ARB2A: variants seen among roughly 807,000 people sequenced by gnomAD.
ARB2A encodes cotranscriptional regulator ARB2A.
chr5:93,873,368 AGGAAAGGAAAGGAAAGGAAGG>A, the ARB2A span, among the ~76,000 whole-genome samples: 263 of 11,172 alleles, frequency 0.024, 5 homozygotes, highest in African/African-American at 0.06. Context: ...AGGAAAGGAA[AGGAAAGGAAAGGAAAGGAAGG>A]GGAAGGGGAA....
chr5:94,040,537 T>C, the ARB2A span, among the ~76,000 whole-genome samples: 6 of 124,428 alleles, frequency 4.8e-5, no homozygotes, highest in African/African-American at 1.8e-4. Flanking sequence ...CAGTATGTGA[T>C]ATTCCCCTTC....
chr5:93,848,035 T>C, the ARB2A span, among the ~76,000 whole-genome samples: 3 of 152,236 alleles, frequency 2.0e-5, no homozygotes, highest in African/African-American at 7.2e-5. Context: ...ATTTAACTTC[T>C]GTTAATAACA....
chr5:94,050,584 C>T, the ARB2A span: 1 of 596,992 alleles, frequency 1.7e-6, no homozygotes, highest in Non-Finnish European at 2.8e-6. Context: ...CTAACATAAC[C>T]ACTAAAAAGG....
At chr5:93,719,145 A>G in the ARB2A span, among the ~76,000 whole-genome samples, 2 of 152,190 alleles carry the variant, frequency 1.3e-5, no homozygotes, top group Non-Finnish European at 2.9e-5. Context: ...AGATTTCTCC[A>G]TAACTTTTAT....
the ARB2A span, among the ~76,000 whole-genome samples, chr5:93,902,014 T>A: frequency 2.0e-5 from 3 of 152,088 alleles, no homozygotes; most frequent in African/African-American, 7.2e-5. Context: ...GCAGCTTATC[T>A]AGAATTATTT....
chr5:93,699,269 TGTTA>T, the ARB2A span, among the ~76,000 whole-genome samples: 2 of 152,216 alleles, frequency 1.3e-5, no homozygotes, highest in African/African-American at 4.8e-5. Context: ...TGTGATAATT[TGTTA>T]ATGAATAAAG....
chr5:93,680,136 T>C, the ARB2A span, among the ~76,000 whole-genome samples: 1 of 152,096 alleles, frequency 6.6e-6, no homozygotes, highest in African/African-American at 2.4e-5. Flanking sequence ...CTTTCAAAGA[T>C]TCCATCATCT....
At chr5:94,044,868 A>T in the ARB2A span, among the ~76,000 whole-genome samples, 1 of 152,098 alleles carries the variant, frequency 6.6e-6, no homozygotes, top group Non-Finnish European at 1.5e-5. Flanking sequence ...TGGCAACATC[A>T]GGAAGTTACC....
the ARB2A span, chr5:93,738,127 A>G: frequency 4.6e-6 from 1 of 216,168 alleles, no homozygotes; most frequent in East Asian, 1.4e-4. Flanking sequence ...CCCAGTTTTA[A>G]AAATAGGCAA....
At chr5:93,970,421 GAACTAA>G in the ARB2A span, among the ~76,000 whole-genome samples, 14 of 152,010 alleles carry the variant, frequency 9.2e-5, no homozygotes, top group African/African-American at 3.4e-4. Flanking sequence ...AATAAAATAT[GAACTAA>G]AACATTAGAA....
the ARB2A span, among the ~76,000 whole-genome samples, chr5:93,769,630 T>C: frequency 6.6e-6 from 1 of 152,158 alleles, no homozygotes; most frequent in Non-Finnish European, 1.5e-5. Context: ...TGCAACCTAA[T>C]GTTGATGCCA....
the ARB2A span, among the ~76,000 whole-genome samples, chr5:93,707,579 T>G: frequency 6.7e-6 from 1 of 148,736 alleles, no homozygotes; most frequent in Non-Finnish European, 1.5e-5. Flanking sequence ...TTTCTTTCTT[T>G]TTTTTTTTTT....
the ARB2A span, among the ~76,000 whole-genome samples, chr5:93,747,264 A>T: frequency 1.4e-4 from 22 of 152,056 alleles, no homozygotes; most frequent in Non-Finnish European, 2.9e-4. Context: ...AATTATTATT[A>T]TTTTTTTAAA....
the ARB2A span, among the ~76,000 whole-genome samples, chr5:93,958,327 T>C: frequency 6.6e-6 from 1 of 152,030 alleles, no homozygotes. Flanking sequence ...TTAAATAATA[T>C]GAGATTAATT....
the ARB2A span, chr5:93,735,769 T>A: frequency 1.3e-5 from 2 of 152,150 alleles, no homozygotes; most frequent in African/African-American, 4.8e-5. Context: ...GCTCTACCTT[T>A]AGACACTGAC....
chr5:94,047,686 A>T, the ARB2A span, among the ~76,000 whole-genome samples: 1 of 152,178 alleles, frequency 6.6e-6, no homozygotes, highest in African/African-American at 2.4e-5. Flanking sequence ...GTACACCAAA[A>T]ATAAATCTGT....
At chr5:93,807,094 C>T in the ARB2A span, among the ~76,000 whole-genome samples, 1 of 151,928 alleles carries the variant, frequency 6.6e-6, no homozygotes, top group East Asian at 1.9e-4. Flanking sequence ...GGATATTGTC[C>T]TACATCTTGA....
the ARB2A span, among the ~76,000 whole-genome samples, chr5:93,819,309 G>A: frequency 6.6e-6 from 1 of 151,512 alleles, no homozygotes; most frequent in Admixed American, 6.6e-5. Flanking sequence ...AGCAGTATTA[G>A]ACTCTTTATC....
chr5:93,921,248 T>C, the ARB2A span, among the ~76,000 whole-genome samples: 1 of 152,154 alleles, frequency 6.6e-6, no homozygotes, highest in Non-Finnish European at 1.5e-5. Flanking sequence ...CAAAATTCCT[T>C]TTCATCTCAT....
Sources: allele counts gnomAD v4.1 joint callset (sites outside exome capture counted in the v4.1 genomes callset), GRCh38; gene constraint gnomAD v4.1.1; transcripts MANE v1.5; gene names NCBI Gene and HGNC (gene_info 2026-07-23, HGNC 2026-07-21).